The following KIAA1217 variants were observed in gnomAD, a reference collection of about 807,000 sequenced individuals.
The protein encoded by KIAA1217 is sickle tail protein homolog.
A neutral mutation model predicts 163.9 loss-of-function variants in KIAA1217; 88 were observed. The observed-to-expected ratio is 0.54, with a 90% confidence interval of 0.45 to 0.64. The LOEUF (loss-of-function observed/expected upper bound fraction) is 0.64, where lower values mean the gene tolerates loss of function less well. KIAA1217 is among the 30% of genes least tolerant of loss of function. The pLI, the probability that KIAA1217 is intolerant of heterozygous loss-of-function variation, is 0.00. For missense variants in KIAA1217, 2,372 were observed against 2,475.0 expected (o/e 0.96, Z 0.88); for synonymous variants, 903 against 923.1 (o/e 0.98, Z 0.39).
At chr10:24,258,349 C>T (rs1034347536) in intron 2 of KIAA1217, among the ~76,000 whole-genome samples, 6 of 152,060 alleles carry the variant, frequency 3.9e-5, no homozygotes, top group African/African-American at 1.2e-4. Context: ...CAGACATGAG[C>T]GGGACATATT....
intron 1 of KIAA1217, among the ~76,000 whole-genome samples, chr10:24,003,813 G>A (rs1417206102): frequency 3.3e-5 from 5 of 152,142 alleles, no homozygotes; most frequent in Non-Finnish European, 2.9e-5. Context: ...TTCAGACTCA[G>A]TGGGTTTCAT....
intron 2 of KIAA1217, among the ~76,000 whole-genome samples, chr10:24,361,492 G>T (rs1358990374): frequency 6.6e-6 from 1 of 152,068 alleles, no homozygotes; most frequent in East Asian, 1.9e-4. Context: ...CCAGCCCATT[G>T]TTTTCTAATA....
intron 2 of KIAA1217, among the ~76,000 whole-genome samples, chr10:24,052,936 A>G (rs1849624049): frequency 6.6e-6 from 1 of 152,146 alleles, no homozygotes; most frequent in Non-Finnish European, 1.5e-5. Context: ...TCATGGCCAC[A>G]TATGGGTAGG....
intron 15 of KIAA1217, 88 bp downstream of exon 15, chr10:24,532,081 G>C (rs1433141857): frequency 8.1e-7 from 1 of 1,234,366 alleles, no homozygotes; most frequent in African/African-American, 1.5e-5. Flanking sequence ...ATAAAAAGTA[G>C]TGAGGCAGAG....
At chr10:24,127,491 T>G (rs1215045410) in intron 2 of KIAA1217, among the ~76,000 whole-genome samples, 1 of 152,208 alleles carries the variant, frequency 6.6e-6, no homozygotes, top group Non-Finnish European at 1.5e-5. Context: ...CCTGGAATCC[T>G]ATGATTTTTC....
chr10:23,938,959 A>G (rs1843646955), intron 1 of KIAA1217, among the ~76,000 whole-genome samples: 1 of 152,246 alleles, frequency 6.6e-6, no homozygotes, highest in Non-Finnish European at 1.5e-5. Context: ...AGAAGATAGA[A>G]TTAGTGTATT....
intron 1 of KIAA1217, among the ~76,000 whole-genome samples, chr10:23,968,892 A>G (rs1160920837): frequency 6.6e-6 from 1 of 152,192 alleles, no homozygotes; most frequent in East Asian, 1.9e-4. Flanking sequence ...GGAGACTTAA[A>G]TTACTTCTCC....
At chr10:24,096,441 C>T (rs931878519) in intron 2 of KIAA1217, among the ~76,000 whole-genome samples, 2 of 152,204 alleles carry the variant, frequency 1.3e-5, no homozygotes, top group African/African-American at 2.4e-5. Context: ...ACCTCCTTCA[C>T]GTTGCAGCTG....
At chr10:23,854,985 C>T (rs1332390686) in intron 1 of KIAA1217, among the ~76,000 whole-genome samples, 1 of 152,112 alleles carries the variant, frequency 6.6e-6, no homozygotes, top group Admixed American at 6.5e-5. Flanking sequence ...CAGTCTGTGT[C>T]TTTTAATTGG....
intron 2 of KIAA1217, among the ~76,000 whole-genome samples, chr10:24,013,679 C>T (rs117379093): frequency 6.6e-6 from 1 of 152,202 alleles, no homozygotes; most frequent in Non-Finnish European, 1.5e-5. Context: ...TATTCAGGAT[C>T]AGGTTTCAGG....
intron 2 of KIAA1217, among the ~76,000 whole-genome samples, chr10:24,257,159 A>G (rs1197970941): frequency 5.3e-5 from 8 of 152,226 alleles, no homozygotes; most frequent in Non-Finnish European, 1.0e-4. Context: ...TGGAGACTTC[A>G]GTTCTGCCCC....
At chr10:23,874,980 G>A (rs1475058867) in intron 1 of KIAA1217, among the ~76,000 whole-genome samples, 1 of 152,006 alleles carries the variant, frequency 6.6e-6, no homozygotes, top group Admixed American at 6.6e-5. Context: ...GAAGACAAAG[G>A]AGGAGCTGCC....
At chr10:24,049,865 TC>T (rs1303314050) in intron 2 of KIAA1217, among the ~76,000 whole-genome samples, 2 of 152,204 alleles carry the variant, frequency 1.3e-5, no homozygotes, top group Admixed American at 1.3e-4. Flanking sequence ...TGGTTCTAGA[TC>T]CTTGAGGAAT....
At chr10:24,244,451 G>A (rs894207670) in intron 2 of KIAA1217, among the ~76,000 whole-genome samples, 1 of 152,058 alleles carries the variant, frequency 6.6e-6, no homozygotes, top group East Asian at 1.9e-4. Context: ...CATCCCAGAT[G>A]ACCTTGCTTT....
intron 1 of KIAA1217, among the ~76,000 whole-genome samples, chr10:23,795,914 T>C (rs1197195989): frequency 6.6e-6 from 1 of 152,220 alleles, no homozygotes; most frequent in East Asian, 1.9e-4. Flanking sequence ...TCTGACTTGC[T>C]TGGGAGACTA....
At chr10:24,324,655 A>G (rs2044630851) in intron 2 of KIAA1217, among the ~76,000 whole-genome samples, 1 of 152,210 alleles carries the variant, frequency 6.6e-6, no homozygotes, top group African/African-American at 2.4e-5. Context: ...AGTATTAGTA[A>G]GGACTCTTGG....
chr10:24,309,338 G>A (rs1041379349), intron 2 of KIAA1217, among the ~76,000 whole-genome samples: 3 of 90,268 alleles, frequency 3.3e-5, no homozygotes, highest in East Asian at 4.0e-4. Flanking sequence ...ATAGGCGCGC[G>A]CACGCGCGCG....
intron 2 of KIAA1217, among the ~76,000 whole-genome samples, chr10:24,066,111 G>C (rs1305125453): frequency 6.6e-6 from 1 of 152,136 alleles, no homozygotes; most frequent in Non-Finnish European, 1.5e-5. Context: ...GCCAGTCTGT[G>C]CCTTTTAATT....
At chr10:24,255,365 G>C (rs1048849700) in intron 2 of KIAA1217, 1 of 328,486 alleles carries the variant, frequency 3.0e-6, no homozygotes, top group Non-Finnish European at 6.1e-6. Flanking sequence ...TCAGGGGTGC[G>C]TCAGGCCTGC....
Sources: allele counts gnomAD v4.1 joint callset (sites outside exome capture counted in the v4.1 genomes callset), GRCh38; gene constraint gnomAD v4.1.1; transcripts MANE v1.5; gene names NCBI Gene and HGNC (gene_info 2026-07-23, HGNC 2026-07-21).